ABCA12: variants seen among roughly 807,000 people sequenced by gnomAD.
The protein encoded by ABCA12 is ATP binding cassette subfamily A member 12.
In ABCA12, 156 loss-of-function variants were observed where a neutral mutation model predicts 293.5. That is an observed-to-expected ratio of 0.53 (90% CI 0.47 to 0.61). ABCA12 has a LOEUF of 0.61. ABCA12 is among the 20% of genes least tolerant of loss of function. The pLI is 0.00. For synonymous variants in ABCA12, 1,063 were observed against 1,108.0 expected, an observed-to-expected ratio of 0.96 and a Z score of 0.81; for missense variants, 2,797 against 3,090.2, an observed-to-expected ratio of 0.91 and a Z score of 2.25.
At chr2:215,059,437 A>G (rs188380908) in intron 3 of ABCA12, among the ~76,000 whole-genome samples, 98 of 152,174 alleles carry the variant, frequency 6.4e-4, no homozygotes, top group African/African-American at 2.2e-3. Flanking sequence ...TACTTCAGCT[A>G]TGGATATCTG....
chr2:214,970,923 ATTAG>A (rs1699372697), intron 36 of ABCA12, among the ~76,000 whole-genome samples: 1 of 152,122 alleles, frequency 6.6e-6, no homozygotes, highest in African/African-American at 2.4e-5. Flanking sequence ...GTGTATATAT[ATTAG>A]TTTGATATAC....
intron 22 of ABCA12, among the ~76,000 whole-genome samples, 172 bp from the exon 23 acceptor site, chr2:214,997,981 C>G (rs1700071635): frequency 6.6e-6 from 1 of 151,358 alleles, no homozygotes; most frequent in South Asian, 2.1e-4. Flanking sequence ...GCTGATTTAA[C>G]CATAGGTCTG....
In ABCA12 at chr2:214,932,690, T is replaced by A; in HGVS notation, c.7732A>T (p.Ser2578Cys). ...ACACTTATAGTGGAACCTTGGCTGC[T>A]GGTATCAGCAGTTTCATAGGACTTC... is the stretch of plus-strand genomic sequence containing the variant. ...DQKSYETADT[S>C]SQGSTISVDS... Residue 2578 changes from serine to cysteine, a missense_variant, in exon 53 of 53, where the codon AGC becomes TGC. Around this residue, in one of 3 missense-constraint regions of ABCA12, gnomAD observed 2,130 missense variants for 2,427.0 expected, o/e 0.88. Coordinates refer to ENST00000272895, the MANE Select transcript of ABCA12 (RefSeq NM_173076.3). The A allele has an allele frequency of 6.2e-7, 1 of 1,613,708 alleles. No individual in the cohort carries two copies. The highest frequency in any genetic ancestry group is 8.5e-7 in the Non-Finnish European group (1 of 1,179,786).
chr2:215,002,342 G>C (rs1414655519), intron 20 of ABCA12, among the ~76,000 whole-genome samples: 1 of 152,084 alleles, frequency 6.6e-6, no homozygotes, highest in Non-Finnish European at 1.5e-5. Context: ...CTGACAAAAT[G>C]ATCAGGATTT....
In ABCA12 at chr2:214,949,103, A is replaced by G. The variant is rs781205887; in HGVS notation, c.6899T>C (p.Phe2300Ser). The G allele has an allele frequency of 6.2e-7, 1 of 1,613,892 alleles. No individual in the cohort carries two copies. Among genetic ancestry groups the G allele is most frequent in the Admixed American group, 1.7e-5 (1 of 59,978 alleles). The stretch of plus-strand genomic sequence containing the variant: ...AATGATGTCTCCTGTCAGCATCTTG[A>G]ATATAGTGGTCTTTCCTGCTCCATT... ...GVNGAGKTTIFKMLTGDIIPS... is the reference protein window; with the variant it reads ...GVNGAGKTTISKMLTGDIIPS... The change falls in exon 46 of 53, where the codon TTC becomes TCC. Residue 2300 changes from phenylalanine to serine, a missense_variant. Phe to Ser is a radical substitution (Grantham distance 155, BLOSUM62 -2). This residue lies in a region of ABCA12 where 2,130 missense variants were observed against 2,427.0 expected (regional missense o/e 0.88). Coordinates refer to ENST00000272895, the MANE Select transcript of ABCA12 (RefSeq NM_173076.3).
At chr2:215,117,826 C>A (rs1298838336) in intron 1 of ABCA12, among the ~76,000 whole-genome samples, 1 of 152,186 alleles carries the variant, frequency 6.6e-6, no homozygotes, top group Non-Finnish European at 1.5e-5. Context: ...ATTACTACAT[C>A]TTATTATCCT....
intron 19 of ABCA12, among the ~76,000 whole-genome samples, chr2:215,006,834 C>T (rs996109364): frequency 6.0e-5 from 9 of 148,948 alleles, no homozygotes; most frequent in African/African-American, 2.2e-4. Context: ...AACATTTCCC[C>T]ACATTATTTG....
chr2:214,982,926 A>G (rs145311863), intron 29 of ABCA12, among the ~76,000 whole-genome samples: 85 of 152,312 alleles, frequency 5.6e-4, no homozygotes, highest in African/African-American at 1.9e-3. Context: ...ATAGGCATCA[A>G]TTTTATATAT....
chr2:215,078,308 C>T lies in ABCA12; in HGVS notation c.164-14089G>A, dbSNP rs78427378. On this transcript the variant is annotated intron_variant, in intron 2 of 52. Coordinates refer to ENST00000272895, the MANE Select transcript of ABCA12 (RefSeq NM_173076.3). ...GACTCCTACAGCTTTCATTGGCAAA[C>T]TCAGGCCAGCAGTCTGCCACTTGGT... Among the ~76,000 whole-genome samples, 42 of 152,288 alleles carry T rather than the reference C, an allele frequency of 2.8e-4. No individual in the cohort carries two copies. The East Asian group carries it at 6.9e-3, about 25-fold the overall frequency.
chr2:215,013,079 T>G (rs1244058301), intron 15 of ABCA12: 1 of 152,196 alleles, frequency 6.6e-6, no homozygotes, highest in Non-Finnish European at 1.5e-5. Context: ...GTGCCTGCTG[T>G]GTTCCCAGCA....
intron 25 of ABCA12, 35 bp downstream of exon 25, chr2:214,989,517 A>T (rs201213133): frequency 6.2e-7 from 1 of 1,614,054 alleles, no homozygotes; most frequent in African/African-American, 1.3e-5. Context: ...ACAGTTGTGA[A>T]AGATAAAATC....
At chr2:215,043,506 C>T (rs1364796655) in intron 7 of ABCA12, among the ~76,000 whole-genome samples, 6 of 152,012 alleles carry the variant, frequency 3.9e-5, no homozygotes, top group Admixed American at 1.3e-4. Flanking sequence ...TAATTTGCTC[C>T]GCCAAAATAA....
rs1314824929 is a variant in ABCA12, at chr2:214,942,980, T to C, written c.7381A>G (p.Ile2461Val). Reference protein sequence around the residue: ...ECEALCTRLAIMVNGKFQCIG... With the variant: ...ECEALCTRLAVMVNGKFQCIG... ...CATTGAAACTTTCCATTCACCATAA[T>C]GGCCAACCTGGTACAGAGAGCTTCA... The change falls in exon 50 of 53, where the codon ATT becomes GTT. Residue 2461 changes from isoleucine to valine, a missense_variant. By Grantham distance (29) the Ile-to-Val change is conservative. Transcript: ENST00000272895. 6.2e-7 allele frequency: 1 copy of C among 1,613,530 alleles called. No homozygotes were observed. The highest frequency in any genetic ancestry group is 8.5e-7 in the Non-Finnish European group (1 of 1,179,816).
intron 23 of ABCA12, among the ~76,000 whole-genome samples, chr2:214,996,664 A>T (rs1700039895): frequency 6.6e-6 from 1 of 152,342 alleles, no homozygotes; most frequent in African/African-American, 2.4e-5. Flanking sequence ...AGCTGTGTGG[A>T]TCAACCAAAA....
chr2:215,072,555 C>T (rs542926145), intron 2 of ABCA12, among the ~76,000 whole-genome samples: 1 of 152,234 alleles, frequency 6.6e-6, no homozygotes, highest in East Asian at 1.9e-4. Flanking sequence ...CCCCACCTTC[C>T]TGCATGTCCA....
At chr2:214,962,187 TAA>T (rs1283568529) in intron 39 of ABCA12, 1 of 152,188 alleles carries the variant, frequency 6.6e-6, no homozygotes, top group Non-Finnish European at 1.5e-5. Context: ...GTATATTTTT[TAA>T]AAGTCTGTTT....
At chr2:214,943,053 A>G in intron 49 of ABCA12, 36 bp from the exon 50 acceptor site, 2 of 1,573,966 alleles carry the variant, frequency 1.3e-6, no homozygotes, top group Non-Finnish European at 1.7e-6. Flanking sequence ...AGCATTCAGG[A>G]TACAGAAAAC....
intron 46 of ABCA12, 112 bp downstream of exon 46, chr2:214,948,928 T>A: frequency 6.9e-6 from 8 of 1,155,048 alleles, no homozygotes; most frequent in Non-Finnish European, 1.0e-5. Context: ...AGCTTTGTTC[T>A]CCCCTAAGGA....
intron 2 of ABCA12, among the ~76,000 whole-genome samples, chr2:215,096,038 A>G (rs1702243665): frequency 6.6e-6 from 1 of 152,334 alleles, no homozygotes; most frequent in South Asian, 2.1e-4. Flanking sequence ...AACAATATGT[A>G]TAACAAATAC....
Sources: gnomAD v4.1 joint callset for allele counts (sites outside exome capture counted in the v4.1 genomes callset) on GRCh38, gnomAD v4.1.1 for gene constraint, gnomAD v4.1.1 regional missense constraint, MANE v1.5 for transcripts, NCBI Gene and HGNC (gene_info 2026-07-23, HGNC 2026-07-21) for gene names.